Variants in POTEM observed in about 807,000 individuals in gnomAD.
The protein encoded by POTEM is putative POTE ankyrin domain family member M.
For missense variants in POTEM, 24 were observed against 343.0 expected (o/e 0.07, Z 7.35); for synonymous variants, 8 against 113.2 (o/e 0.07, Z 5.90).
intron 5 of POTEM, chr14:18,978,210 CTT>C (rs1209376573): frequency 6.5e-6 from 1 of 154,992 alleles, no homozygotes; most frequent in African/African-American, 2.7e-5. Context: ...GATACAGTGA[CTT>C]TGATGTTTTT....
At chr14:18,969,321 A>ATATG (rs1890847841) in intron 1 of POTEM, among the ~76,000 whole-genome samples, 2 of 103,438 alleles carry the variant, frequency 1.9e-5, no homozygotes, top group East Asian at 2.6e-4. Flanking sequence ...ATATATGTAT[A>ATATG]TATATATATA....
rs1172604137 is a variant in POTEM at position 18,999,428 on chromosome 14, C to T, written c.*763C>T. 8.0e-6 allele frequency among the ~76,000 whole-genome samples: 1 copy of T among 124,412 alleles called. No individual in the cohort carries two copies. The highest frequency in any genetic ancestry group is 2.9e-5 in the African/African-American group (1 of 34,954). The allele number at this position is 124,412 out of a possible 152,430, so 81.6% of individuals were successfully genotyped here. A position where few individuals can be genotyped will look rare whatever the true frequency, so the allele number is the denominator to read the frequency against. On this transcript the variant is annotated 3_prime_UTR_variant, in exon 11 of 11. Coordinates refer to ENST00000547889, the MANE Select transcript of POTEM (RefSeq NM_001145442.1). Reference sequence around the variant, plus strand: ...ACCTGGCTGGCCGGGAACTGACTGACTACCTCATGAAGATCCTCACCGAGC... The same window carrying T: ...ACCTGGCTGGCCGGGAACTGACTGATTACCTCATGAAGATCCTCACCGAGC...
At chr14:18,980,223 C>CA in intron 6 of POTEM, 79 bp downstream of exon 6, 1 of 678,778 alleles carries the variant, frequency 1.5e-6, no homozygotes, top group Non-Finnish European at 2.4e-6. Context: ...TTGTGGAAGA[C>CA]AATCTTTCCA....
At position 18,968,356 on chromosome 14, in the gene POTEM, A is replaced by C. The variant is rs1360126000; in HGVS notation, c.521+350A>C. Among the ~76,000 whole-genome samples, 7 of 152,408 alleles carry C rather than the reference A, an allele frequency of 4.6e-5. No individual in the cohort carries two copies. The East Asian group carries it at 1.2e-3, about 25-fold the overall frequency. On this transcript the variant is annotated intron_variant, in intron 1 of 10. Transcript: ENST00000547889. ...AGTGTATATTGAGAACTAAGAATGA[A>C]GCCCCATAACACATCAACTTCAGGG...
At chr14:18,984,950 T>TA (rs760196205) in intron 6 of POTEM, among the ~76,000 whole-genome samples, 1 of 534 alleles carries the variant, frequency 1.9e-3, no homozygotes, top group Non-Finnish European at 4.8e-3. Flanking sequence ...CCTGGCTCAT[T>TA]AAAAAAAAAA....
chr14:18,985,927 A>T (rs58676811), intron 7 of POTEM, among the ~76,000 whole-genome samples: 90 of 83,748 alleles, frequency 1.1e-3, no homozygotes, highest in African/African-American at 5.0e-3. Flanking sequence ...AAAAAAAAAA[A>T]AATATTTTAA....
intron 1 of POTEM, among the ~76,000 whole-genome samples, chr14:18,969,372 TATATATAC>T (rs1419702399): frequency 1.9e-3 from 254 of 132,292 alleles, no homozygotes; most frequent in Non-Finnish European, 3.2e-3. Flanking sequence ...TATATATATA[TATATATAC>T]ACAAAATTTC....
intron 1 of POTEM, among the ~76,000 whole-genome samples, chr14:18,969,346 T>C (rs1280010953): frequency 1.9e-5 from 2 of 106,852 alleles, no homozygotes; most frequent in South Asian, 2.9e-4. Context: ...TATATACATA[T>C]ATATACATGT....
intron 3 of POTEM, chr14:18,974,742 CT>C (rs112378752): frequency 0.11 from 19,490 of 177,250 alleles, 6 homozygotes; most frequent in East Asian, 0.16. Context: ...ATTAATCTGA[CT>C]TTTTTTTTTT....
Position 19,000,547 on chromosome 14 carries a change from C to CT in POTEM, c.*1883dup, listed in dbSNP as rs1245801458. Among the ~76,000 whole-genome samples the CT allele has an allele frequency of 1.2e-5, 1 of 83,148 alleles. No homozygotes were observed. Among genetic ancestry groups the CT allele is most frequent in the Non-Finnish European group, 2.1e-5 (1 of 47,412 alleles). 54.5% of individuals were successfully genotyped at this position (83,148 alleles called of 152,430 possible). A position where few individuals can be genotyped will look rare whatever the true frequency, so the allele number is the denominator to read the frequency against. ...GAGGCAGCCAGGGCTTACCTGTACT[C>CT]TGACTTAAGGAGAGTTGGAAAAAAG... On this transcript the variant is annotated 3_prime_UTR_variant, in exon 11 of 11. Coordinates refer to ENST00000547889, the MANE Select transcript of POTEM (RefSeq NM_001145442.1).
At chr14:18,986,370 C>T (rs2138963934) in intron 7 of POTEM, among the ~76,000 whole-genome samples, 2 of 139,770 alleles carry the variant, frequency 1.4e-5, no homozygotes, top group Admixed American at 1.4e-4. Flanking sequence ...TCTCATTGAC[C>T]TCAGTGTTTC....
chr14:18,968,220 C>A (rs1261874997), intron 1 of POTEM, among the ~76,000 whole-genome samples: 1 of 152,174 alleles, frequency 6.6e-6, no homozygotes, highest in Non-Finnish European at 1.5e-5. Context: ...TTATAATTTC[C>A]CTCCTAGAAC....
intron 4 of POTEM, among the ~76,000 whole-genome samples, chr14:18,976,433 C>CT (rs1301097745): frequency 2.8e-5 from 1 of 36,056 alleles, no homozygotes; most frequent in Non-Finnish European, 6.7e-5. Context: ...GAAGTTTGAA[C>CT]TTTAATTTTA....
rs201848983 is a variant in POTEM at position 19,003,265 on chromosome 14, C to T, written c.*4600C>T. 0.097 allele frequency among the ~76,000 whole-genome samples: 8,872 copies of T among 91,414 alleles called. No individual in the cohort carries two copies. Among genetic ancestry groups the T allele is most frequent in the Middle Eastern group, 0.17 (28 of 168 alleles). The allele number at this position is 91,414 out of a possible 152,430, so 60.0% of individuals were successfully genotyped here. A position where few individuals can be genotyped will look rare whatever the true frequency, so the allele number is the denominator to read the frequency against. ...GGCTAAATGCTCCCATTGAAAGACA[C>T]GGGGCAAGCTGGATAAAGAACCAAG... On this transcript the variant is annotated 3_prime_UTR_variant, in exon 11 of 11. Transcript: ENST00000547889.
rs201392796 is a variant in POTEM, at chr14:18,969,357, GTATATA to G, written c.521+1368_521+1373del. Among the ~76,000 whole-genome samples, 15 of 105,366 alleles carry G rather than the reference GTATATA, an allele frequency of 1.4e-4. No homozygotes were observed. The East Asian group carries it at 2.0e-3, about 14-fold the overall frequency. The allele number at this position is 105,366 out of a possible 152,430, so 69.1% of individuals were successfully genotyped here. ...TACGTATATACATATATATACATGTGTATATATATATATATATATATACACAAAATT... is the reference window on the plus strand; with the variant it reads ...TACGTATATACATATATATACATGTGTATATATATATATATACACAAAATT... On this transcript the variant is annotated intron_variant, in intron 1 of 10. Transcript: ENST00000547889.
chr14:18,968,191 T>C (rs1594270434), intron 1 of POTEM, among the ~76,000 whole-genome samples, 185 bp downstream of exon 1: 4 of 152,308 alleles, frequency 2.6e-5, no homozygotes, highest in East Asian at 1.9e-4. Flanking sequence ...AACAAAACTT[T>C]AGCTGATTTC....
At chr14:18,990,895 T>G (rs1277102815) in intron 9 of POTEM, among the ~76,000 whole-genome samples, 3 of 46,910 alleles carry the variant, frequency 6.4e-5, no homozygotes, top group African/African-American at 2.0e-4. Context: ...TGACATTTTT[T>G]TTTTTTAAGA....
chr14:18,986,780 CTT>C (rs1891194087), intron 7 of POTEM, among the ~76,000 whole-genome samples: 1 of 149,856 alleles, frequency 6.7e-6, no homozygotes, highest in Admixed American at 6.7e-5. Context: ...GAGGTAAACT[CTT>C]TTCAAGTGAG....
chr14:18,987,501 CTGAT>C (rs1891209369), intron 8 of POTEM, among the ~76,000 whole-genome samples: 1 of 135,450 alleles, frequency 7.4e-6, no homozygotes, highest in Non-Finnish European at 1.6e-5. Flanking sequence ...TGGTTTTAGT[CTGAT>C]TATCAATAGA....
Sources: allele counts gnomAD v4.1 joint callset (sites outside exome capture counted in the v4.1 genomes callset), GRCh38; gene constraint gnomAD v4.1.1; transcripts MANE v1.5; gene names NCBI Gene and HGNC (gene_info 2026-07-23, HGNC 2026-07-21).